The following AAMP variants were observed in gnomAD, a reference collection of about 807,000 sequenced individuals.
AAMP encodes angio-associated migratory cell protein.
Under a neutral mutation model 51.1 loss-of-function variants are expected in AAMP, and 12 were observed. The ratio of observed to expected loss-of-function variants is 0.23; its 90% CI spans 0.15 to 0.38. The LOEUF (loss-of-function observed/expected upper bound fraction) is 0.38, where lower values mean the gene tolerates loss of function less well. Among genes scored for constraint, AAMP ranks in the 10% least tolerant of loss-of-function variants. The probability of loss-of-function intolerance (pLI) is 1.00; values close to 1 mark genes in which losing one functional copy is unlikely to be tolerated. For missense variants in AAMP, 418 were observed against 557.2 expected (o/e 0.75, Z 2.52); for synonymous variants, 210 against 218.7 (o/e 0.96, Z 0.35).
rs1559492533 is a variant in AAMP, at chr2:218,265,833, T to C, written c.877A>G (p.Lys293Glu). 1.2e-6 allele frequency: 2 copies of C among 1,611,420 alleles called. No individual in the cohort carries two copies. The highest frequency in any genetic ancestry group is 1.7e-6 in the Non-Finnish European group (2 of 1,178,278). ...QAKLVSATTG[K>E]VVGVFRPETV... ...AGCCGGGCTCCAGGTCCACTCACCT[T>C]GCCGGTGGTGGCACTGACCAGCTTG... Residue 293 changes from lysine to glutamate, a missense_variant and splice_region_variant, in exon 7 of 11, where the codon AAG becomes GAG. By Grantham distance (56) the Lys-to-Glu change is moderately conservative. Coordinates refer to ENST00000248450, the MANE Select transcript of AAMP (RefSeq NM_001087.5). The surrounding 1 kb of genome is among the most constrained non-coding windows in gnomAD (Gnocchi z 6.6).
At chr2:218,264,874 A>C (rs1369078515) in intron 10 of AAMP, 146 bp downstream of exon 10, 4 of 1,341,730 alleles carry the variant, frequency 3.0e-6, no homozygotes, top group Non-Finnish European at 4.2e-6. Context: ...CAGCCACTGG[A>C]ATGGGGGCTG....
rs149502890 is a variant in AAMP at position 218,264,566 on chromosome 2, C to T, written c.1272G>A (p.Ala424=). The T allele has an allele frequency of 2.3e-3, 3,687 of 1,614,148 alleles. 8 individuals carry two copies. The highest frequency in any genetic ancestry group is 0.015 in the Middle Eastern group (88 of 6,058). The change falls in exon 11 of 11, where the codon GCG becomes GCA. Residue 424 remains alanine, a synonymous_variant. Transcript: ENST00000248450. The part of the protein sequence containing the change: ...LVVTTSGDHK[A]KVFCVQRPDR Reference sequence around the variant, plus strand: ...CAGGCCTTTGGACACAAAATACTTTCGCTTTGTGGTCTCCTGACGTGGTCA... The same window carrying T: ...CAGGCCTTTGGACACAAAATACTTTTGCTTTGTGGTCTCCTGACGTGGTCA...
In AAMP at chr2:218,264,206, GGAA is replaced by G. The variant is rs1690560143; in HGVS notation, c.*324_*326del. ...CCTCCTTTCCACCCCCAGAGACTTGGGAAGGGAAAGAACGGGAACCTCAAACAC... is the reference window on the plus strand; with the variant it reads ...CCTCCTTTCCACCCCCAGAGACTTGGGGGAAAGAACGGGAACCTCAAACAC... On this transcript the variant is annotated 3_prime_UTR_variant, in exon 11 of 11. Transcript: ENST00000248450. The G allele has an allele frequency of 5.1e-6, 2 of 388,416 alleles. No individual in the cohort carries two copies. The highest frequency in any genetic ancestry group is 4.1e-5 in the Admixed American group (1 of 24,372). The allele number at this position is 388,416 out of a possible 1,614,324, so 24.1% of individuals were successfully genotyped here. A position where few individuals can be genotyped will look rare whatever the true frequency, so the allele number is the denominator to read the frequency against.
At chr2:218,269,640 A>G in intron 1 of AAMP, 106 bp from the exon 2 acceptor site, 1 of 1,580,124 alleles carries the variant, frequency 6.3e-7, no homozygotes, top group Non-Finnish European at 8.6e-7. Context: ...GCGAGAAGGG[A>G]AGGTGGAGTC....
chr2:218,269,361 T>C (rs747197508), intron 2 of AAMP, 21 bp downstream of exon 2: 2 of 1,613,230 alleles, frequency 1.2e-6, no homozygotes, highest in Non-Finnish European at 1.7e-6. Flanking sequence ...TGATTTGAGG[T>C]GGATCGCCTC....
rs1258398476 is a variant in AAMP, at chr2:218,266,557, G to A, written c.565C>T (p.Leu189=). ...WMEWHPRAPV[L]LAGTADGNTW... The stretch of plus-strand genomic sequence containing the variant: ...TTGCCGTCAGCTGTGCCCGCCAACA[G>A]GACAGGTGCCCGAGGATGCCACTCC... The change falls in exon 5 of 11, where the codon CTG becomes TTG. Residue 189 remains leucine, a synonymous_variant. Coordinates refer to ENST00000248450, the MANE Select transcript of AAMP (RefSeq NM_001087.5). This position sits in a 1 kb window ranked among gnomAD's most constrained non-coding sequence, Gnocchi z 4.7. 1 of 1,613,696 alleles carries A rather than the reference G, an allele frequency of 6.2e-7. No homozygotes were observed. Among genetic ancestry groups the A allele is most frequent in the East Asian group, 2.2e-5 (1 of 44,878 alleles).
chr2:218,265,542 G>T lies in AAMP; in HGVS notation c.983+37C>A. 6.2e-7 allele frequency: 1 copy of T among 1,601,616 alleles called. No individual in the cohort carries two copies. Among genetic ancestry groups the T allele is most frequent in the South Asian group, 1.1e-5 (1 of 90,756 alleles). On this transcript the variant is annotated intron_variant, in intron 8 of 10. Coordinates refer to ENST00000248450, the MANE Select transcript of AAMP (RefSeq NM_001087.5). This position sits in a 1 kb window ranked among gnomAD's most constrained non-coding sequence, Gnocchi z 6.6. ...CCGTCCTCCCGGGCCCCCAGCCCAG[G>T]CCCCTCCCACAAACCCCTTTCCCCA...
At position 218,265,550 on chromosome 2, in the gene AAMP, C is replaced by CA; in HGVS notation, c.983+28dup. ...CCGGGCCCCCAGCCCAGGCCCCTCC[C>CA]ACAAACCCCTTTCCCCATCCTCACT... On this transcript the variant is annotated intron_variant, in intron 8 of 10. Coordinates refer to ENST00000248450, the MANE Select transcript of AAMP (RefSeq NM_001087.5). The surrounding 1 kb of genome is among the most constrained non-coding windows in gnomAD (Gnocchi z 6.6). The CA allele has an allele frequency of 1.2e-6, 2 of 1,609,426 alleles. No homozygotes were observed. Among genetic ancestry groups the CA allele is most frequent in the Non-Finnish European group, 1.7e-6 (2 of 1,175,878 alleles).
intron 2 of AAMP, among the ~76,000 whole-genome samples, chr2:218,268,588 C>A (rs1235559387): frequency 6.6e-6 from 1 of 151,780 alleles, no homozygotes. Context: ...GTGATCCACC[C>A]GCCTTGGCCT....
intron 2 of AAMP, 69 bp downstream of exon 2, chr2:218,269,313 C>T (rs1379735602): frequency 1.3e-6 from 2 of 1,591,870 alleles, no homozygotes; most frequent in Non-Finnish European, 1.7e-6. Context: ...AACGTTCTGT[C>T]CATGGCTGAT....
intron 10 of AAMP, 30 bp from the exon 11 acceptor site, chr2:218,264,638 A>C: frequency 6.2e-7 from 1 of 1,607,038 alleles, no homozygotes; most frequent in Non-Finnish European, 8.5e-7. Context: ...GATTGCAGAG[A>C]CTGGGGGACC....
chr2:218,266,711 T>G lies in AAMP; in HGVS notation c.535-124A>C, dbSNP rs953371781. 41 of 1,543,908 alleles carry G rather than the reference T, an allele frequency of 2.7e-5. No homozygotes were observed. In the South Asian group the frequency reaches 4.8e-4, roughly 18 times the overall value. On this transcript the variant is annotated intron_variant, in intron 4 of 10. Transcript: ENST00000248450. This position sits in a 1 kb window ranked among gnomAD's most constrained non-coding sequence, Gnocchi z 4.7. ...CCGCGGGGACTTTCCAGGTAGCAGG[T>G]AGATATTCTTCCTGTGCCTTGGGGC...
At position 218,266,599 on chromosome 2, in the gene AAMP, G is replaced by A. The variant is rs749266122; in HGVS notation, c.535-12C>T. ...TGCCACTCCATCCACTGGACAGGGA[G>A]GAAGGGGCAGCAGGGAGGCCCGTCA... On this transcript the variant is annotated splice_polypyrimidine_tract_variant and intron_variant, in intron 4 of 10. Coordinates refer to ENST00000248450, the MANE Select transcript of AAMP (RefSeq NM_001087.5). The surrounding 1 kb of genome is among the most constrained non-coding windows in gnomAD (Gnocchi z 4.7). 6.2e-7 allele frequency: 1 copy of A among 1,607,178 alleles called. No individual in the cohort carries two copies. Among genetic ancestry groups the A allele is most frequent in the Non-Finnish European group, 8.5e-7 (1 of 1,175,076 alleles).
rs553085213 is a variant in AAMP, at chr2:218,270,107, A to C, written c.-21T>G. ...TCCATGCGGCGCAAGCGGCGGATCC[A>C]CTTCTCTGGGCCCAAACGCCTCCCA... is the stretch of plus-strand genomic sequence containing the variant. On this transcript the variant is annotated 5_prime_UTR_variant, in exon 1 of 11. Coordinates refer to ENST00000248450, the MANE Select transcript of AAMP (RefSeq NM_001087.5). 3.7e-6 allele frequency: 6 copies of C among 1,612,944 alleles called. No homozygotes were observed. The African/African-American group carries it at 5.3e-5, about 14-fold the overall frequency.
chr2:218,265,526 C>G lies in AAMP; in HGVS notation c.983+53G>C, dbSNP rs183557198. The G allele has an allele frequency of 1.4e-4, 224 of 1,585,294 alleles. No individual in the cohort carries two copies. In the African/African-American group the frequency reaches 2.4e-3, roughly 17 times the overall value. ...GGACTCACACGCCCTGCCGTCCTCC[C>G]GGGCCCCCAGCCCAGGCCCCTCCCA... On this transcript the variant is annotated intron_variant, in intron 8 of 10. Transcript: ENST00000248450. The surrounding 1 kb of genome is among the most constrained non-coding windows in gnomAD (Gnocchi z 6.6).
In AAMP at chr2:218,267,166, G is replaced by T. The variant is rs553468480; in HGVS notation, c.395-180C>A. ...AGGAACCAATACTCCCATGTCTGCT[G>T]GGAGACACTGCTGGCCCTCACTCAA... On this transcript the variant is annotated intron_variant, in intron 3 of 10. Transcript: ENST00000248450. The surrounding 1 kb of genome is among the most constrained non-coding windows in gnomAD (Gnocchi z 4.6). Among the ~76,000 whole-genome samples the T allele has an allele frequency of 2.3e-3, 352 of 152,162 alleles. 4 individuals are homozygous for T. The highest frequency in any genetic ancestry group is 7.7e-4 in the East Asian group (4 of 5,174).
At position 218,265,367 on chromosome 2, in the gene AAMP, A is replaced by G. The variant is rs370253233; in HGVS notation, c.1074+4T>C. The G allele has an allele frequency of 3.9e-6, 6 of 1,555,184 alleles. No homozygotes were observed. The East Asian group carries it at 9.6e-5, about 25-fold the overall frequency. On this transcript the variant is annotated splice_donor_region_variant and intron_variant, in intron 9 of 10. Transcript: ENST00000248450. The surrounding 1 kb of genome is among the most constrained non-coding windows in gnomAD (Gnocchi z 6.6). Reference sequence around the variant, plus strand: ...ACAGGGACCCCAGCTCCAGCTGCCCATACCTGGTGCTGACACTGATGCCTA... The same window carrying G: ...ACAGGGACCCCAGCTCCAGCTGCCCGTACCTGGTGCTGACACTGATGCCTA...
Position 218,266,319 on chromosome 2 carries a change from C to A in AAMP, c.679+124G>T. The A allele has an allele frequency of 7.0e-7, 1 of 1,432,772 alleles. No individual in the cohort carries two copies. Among genetic ancestry groups the A allele is most frequent in the South Asian group, 1.3e-5 (1 of 77,398 alleles). 88.8% of individuals were successfully genotyped at this position (1,432,772 alleles called of 1,614,324 possible). On this transcript the variant is annotated intron_variant, in intron 5 of 10. Coordinates refer to ENST00000248450, the MANE Select transcript of AAMP (RefSeq NM_001087.5). This position sits in a 1 kb window ranked among gnomAD's most constrained non-coding sequence, Gnocchi z 4.7. ...CTGTGAACTTTGGGGCCCAGGAGGT[C>A]AGCACTGCAAACAGCAGGCCTCAGA...
chr2:218,266,000 C>T lies in AAMP; in HGVS notation c.764-54G>A, dbSNP rs374837832. On this transcript the variant is annotated intron_variant, in intron 6 of 10. Coordinates refer to ENST00000248450, the MANE Select transcript of AAMP (RefSeq NM_001087.5). This position sits in a 1 kb window ranked among gnomAD's most constrained non-coding sequence, Gnocchi z 6.6. Reference sequence around the variant, plus strand: ...CTTCGTCCTACCTCCCCTCTGAGTCCTGCCCCAGGTTCTCAGCCCCTCCCT... The same window carrying T: ...CTTCGTCCTACCTCCCCTCTGAGTCTTGCCCCAGGTTCTCAGCCCCTCCCT... 9.3e-6 allele frequency: 15 copies of T among 1,609,636 alleles called. No individual in the cohort carries two copies. In the African/African-American group the frequency reaches 1.6e-4, roughly 17 times the overall value.
Sources: allele counts gnomAD v4.1 joint callset (sites outside exome capture counted in the v4.1 genomes callset), GRCh38; gene constraint gnomAD v4.1.1; non-coding constraint Gnocchi (gnomAD v3.1); transcripts MANE v1.5; gene names NCBI Gene and HGNC (gene_info 2026-07-23, HGNC 2026-07-21).